Variants in KLHL2 observed in about 807,000 individuals in gnomAD.
KLHL2 encodes the protein kelch like family member 2, also known as kelch-like protein 2.
KLHL2 carries 15 observed loss-of-function variants against 75.8 expected under a neutral mutation model. That is an observed-to-expected ratio of 0.20 (90% CI 0.13 to 0.30). The LOEUF (loss-of-function observed/expected upper bound fraction) is 0.30. Ranked by LOEUF, KLHL2 falls within the 10% of genes least tolerant of loss-of-function variation. The pLI is 1.00. For missense variants in KLHL2, 381 were observed against 741.0 expected, an observed-to-expected ratio of 0.51 and a Z score of 5.64; for synonymous variants, 214 against 251.9, an observed-to-expected ratio of 0.85 and a Z score of 1.42.
chr4:165,271,463 G>A (rs1363076598), intron 5 of KLHL2, among the ~76,000 whole-genome samples: 2 of 152,130 alleles, frequency 1.3e-5, no homozygotes, highest in African/African-American at 2.4e-5. Flanking sequence ...GTCATTGTTC[G>A]TGTGTAGCAG....
At chr4:165,311,855 T>C (rs1040574103) in intron 11 of KLHL2, among the ~76,000 whole-genome samples, 12 of 137,638 alleles carry the variant, frequency 8.7e-5, no homozygotes, top group East Asian at 3.9e-4. Flanking sequence ...GTTTGACTTA[T>C]ATAACTGTGT....
intron 5 of KLHL2, among the ~76,000 whole-genome samples, chr4:165,274,669 G>C (rs1261245514): frequency 6.6e-6 from 1 of 151,914 alleles, no homozygotes; most frequent in Non-Finnish European, 1.5e-5. Context: ...TGGAGATTCT[G>C]GACGTAAGAA....
At chr4:165,287,412 C>G (rs568173985) in intron 5 of KLHL2, among the ~76,000 whole-genome samples, 2 of 152,070 alleles carry the variant, frequency 1.3e-5, no homozygotes, top group African/African-American at 2.4e-5. Flanking sequence ...CAGTGGATAC[C>G]TGCTTCTGCC....
intron 7 of KLHL2, 99 bp from the exon 8 acceptor site, chr4:165,299,408 T>G: frequency 9.4e-7 from 1 of 1,060,746 alleles, no homozygotes; most frequent in East Asian, 2.6e-5. Context: ...CTAAAGGATA[T>G]AGTTACTGCT....
chr4:165,238,919 A>T lies in KLHL2; in HGVS notation c.381+20A>T, dbSNP rs1316317285. The T allele has an allele frequency of 9.4e-6, 15 of 1,591,972 alleles. No individual in the cohort carries two copies. Among genetic ancestry groups the T allele is most frequent in the Non-Finnish European group, 1.2e-5 (14 of 1,173,854 alleles). On this transcript the variant is annotated intron_variant, in intron 4 of 14. Coordinates refer to ENST00000226725, the MANE Select transcript of KLHL2 (RefSeq NM_007246.4). ...GTACAGGTAAGAGTAAACACTTCAC[A>T]CCATCTAGCTTTTTATGCATACAGT...
chr4:165,315,019 A>C (rs982582059), intron 13 of KLHL2, among the ~76,000 whole-genome samples: 2 of 152,182 alleles, frequency 1.3e-5, no homozygotes, highest in Non-Finnish European at 2.9e-5. Context: ...TGTTGGCAGC[A>C]GACCAGAATT....
intron 5 of KLHL2, among the ~76,000 whole-genome samples, chr4:165,264,705 T>TGTGTATATATATATATATAC (rs1560783688): frequency 1.2e-5 from 1 of 86,106 alleles, no homozygotes; most frequent in African/African-American, 4.7e-5. Context: ...TGTGTGTGTG[T>TGTGTATATATATATATATAC]ATATATATAT....
chr4:165,275,098 A>ATTTATTTTATTTTATTTTAT (rs201930063), intron 5 of KLHL2, among the ~76,000 whole-genome samples: 3 of 146,622 alleles, frequency 2.0e-5, no homozygotes, highest in African/African-American at 7.5e-5. Context: ...CTCCTGAAAG[A>ATTTATTTTATTTTATTTTAT]TTTATTTTAT....
rs550751960 is a variant in KLHL2, at chr4:165,258,007, T to G, written c.382-5190T>G. 3.3e-5 allele frequency among the ~76,000 whole-genome samples: 5 copies of G among 152,146 alleles called. No individual in the cohort carries two copies. In the East Asian group the frequency reaches 9.7e-4, roughly 29 times the overall value. On this transcript the variant is annotated intron_variant, in intron 4 of 14. Transcript: ENST00000226725. ...GATTTTAGATGGCACACAGATAAAC[T>G]GAGAGTGAAGAGACTCAGGGTTCGG...
intron 5 of KLHL2, among the ~76,000 whole-genome samples, chr4:165,268,417 T>G (rs1742415344): frequency 6.6e-6 from 1 of 152,218 alleles, no homozygotes; most frequent in African/African-American, 2.4e-5. Context: ...GGTGTTGATT[T>G]TAGATCTTTT....
chr4:165,306,310 G>T (rs980003583), intron 9 of KLHL2, among the ~76,000 whole-genome samples: 3 of 152,208 alleles, frequency 2.0e-5, no homozygotes, highest in Non-Finnish European at 2.9e-5. Context: ...CTTGGAGATT[G>T]TTACATATCA....
At chr4:165,249,522 A>G (rs1740520775) in intron 4 of KLHL2, among the ~76,000 whole-genome samples, 1 of 143,240 alleles carries the variant, frequency 7.0e-6, no homozygotes. Flanking sequence ...ACTGCAAAAT[A>G]TACCTTTCTA....
chr4:165,316,211 G>A (rs1746577729), intron 13 of KLHL2, among the ~76,000 whole-genome samples: 1 of 152,178 alleles, frequency 6.6e-6, no homozygotes, highest in Admixed American at 6.5e-5. Flanking sequence ...TCTGCAGTGG[G>A]ATGCTCTTTA....
At chr4:165,311,783 C>G (rs1027364524) in intron 11 of KLHL2, among the ~76,000 whole-genome samples, 1 of 149,852 alleles carries the variant, frequency 6.7e-6, no homozygotes, top group Non-Finnish European at 1.5e-5. Flanking sequence ...CTCTATCCCC[C>G]TCCCTTTATC....
intron 8 of KLHL2, among the ~76,000 whole-genome samples, chr4:165,304,756 A>G (rs1219219972): frequency 6.6e-6 from 1 of 152,124 alleles, no homozygotes; most frequent in Non-Finnish European, 1.5e-5. Flanking sequence ...CTAATCACAT[A>G]ATTTTTCGAT....
At chr4:165,230,228 A>G (rs1040194777) in intron 3 of KLHL2, among the ~76,000 whole-genome samples, 19 of 152,206 alleles carry the variant, frequency 1.2e-4, no homozygotes, top group African/African-American at 3.9e-4. Flanking sequence ...GTGTTGGGCT[A>G]CTTTAGGAAT....
intron 5 of KLHL2, among the ~76,000 whole-genome samples, chr4:165,270,890 C>T (rs752858482): frequency 1.3e-5 from 2 of 152,268 alleles, no homozygotes; most frequent in African/African-American, 2.4e-5. Flanking sequence ...TCTGCAGAAG[C>T]GGTCTGCTGC....
chr4:165,234,983 A>C (rs928293653), intron 3 of KLHL2, among the ~76,000 whole-genome samples: 2 of 152,104 alleles, frequency 1.3e-5, no homozygotes, highest in African/African-American at 4.8e-5. Context: ...TGGGCAACAG[A>C]ATGAGACTCT....
At chr4:165,311,110 G>C (rs1420323401) in intron 10 of KLHL2, among the ~76,000 whole-genome samples, 1 of 152,030 alleles carries the variant, frequency 6.6e-6, no homozygotes, top group Non-Finnish European at 1.5e-5. Context: ...GCCCACCTCG[G>C]CCTCCCAAAG....
Sources: allele counts gnomAD v4.1 joint callset (sites outside exome capture counted in the v4.1 genomes callset), GRCh38; gene constraint gnomAD v4.1.1; transcripts MANE v1.5; gene names NCBI Gene and HGNC (gene_info 2026-07-23, HGNC 2026-07-21).